The following SERGEF variants were observed in gnomAD, a reference collection of about 807,000 sequenced individuals.
SERGEF encodes secretion-regulating guanine nucleotide exchange factor.
SERGEF carries 51 observed loss-of-function variants against 50.0 expected under a neutral mutation model. That is an observed-to-expected ratio of 1.02 (90% CI 0.81 to 1.29). The LOEUF is 1.29. Among genes scored for constraint, SERGEF ranks in the 50% most tolerant of loss-of-function variants. The pLI is 0.00. For synonymous variants in SERGEF, 205 were observed against 212.4 expected (o/e 0.97, Z 0.30); for missense variants, 521 against 557.0 (o/e 0.94, Z 0.65).
intron 8 of SERGEF, among the ~76,000 whole-genome samples, chr11:17,962,965 T>C (rs768033309): frequency 1.8e-4 from 27 of 151,948 alleles, no homozygotes; most frequent in Non-Finnish European, 2.8e-4. Flanking sequence ...GAGGATCACC[T>C]GAGGTCAAGA....
At chr11:17,858,709 G>A (rs1481378739) in intron 10 of SERGEF, among the ~76,000 whole-genome samples, 3 of 152,076 alleles carry the variant, frequency 2.0e-5, no homozygotes, top group African/African-American at 7.2e-5. Context: ...GACAGCAGGT[G>A]AGAGTTTAAT....
rs1446480900 is a variant in SERGEF at position 18,000,486 on chromosome 11, A to G, written c.508+11T>C. On this transcript the variant is annotated intron_variant, in intron 5 of 10. Coordinates refer to ENST00000265965, the MANE Select transcript of SERGEF (RefSeq NM_012139.4). ...AAAATAAAAATAAAAAAATAAAGAT[A>G]AGATGATCACCTGTAGCAGCTACTG... The G allele has an allele frequency of 6.5e-7, 1 of 1,544,774 alleles. No homozygotes were observed. The highest frequency in any genetic ancestry group is 1.2e-5 in the South Asian group (1 of 81,468).
chr11:17,947,217 G>A (rs1265064677), intron 9 of SERGEF, among the ~76,000 whole-genome samples: 2 of 152,274 alleles, frequency 1.3e-5, no homozygotes, highest in African/African-American at 2.4e-5. Flanking sequence ...TCAAGATATG[G>A]TGCCTATCCT....
intron 10 of SERGEF, among the ~76,000 whole-genome samples, chr11:17,798,521 C>T (rs1849607741): frequency 1.3e-5 from 2 of 152,256 alleles, no homozygotes; most frequent in Admixed American, 6.5e-5. Context: ...GGACACATTT[C>T]CTCAGTCACC....
At chr11:17,954,953 G>A (rs1301882033) in intron 9 of SERGEF, among the ~76,000 whole-genome samples, 1 of 152,194 alleles carries the variant, frequency 6.6e-6, no homozygotes, top group African/African-American at 2.4e-5. Flanking sequence ...ACAGCATCAT[G>A]CTGGGATCGA....
intron 9 of SERGEF, among the ~76,000 whole-genome samples, chr11:17,958,390 T>C (rs1852919438): frequency 6.6e-6 from 1 of 152,180 alleles, no homozygotes; most frequent in African/African-American, 2.4e-5. Flanking sequence ...GCCATCCTCA[T>C]TCTTCTAAAA....
intron 9 of SERGEF, among the ~76,000 whole-genome samples, chr11:17,907,860 G>A (rs926483258): frequency 1.3e-5 from 2 of 152,182 alleles, no homozygotes; most frequent in East Asian, 3.9e-4. Flanking sequence ...CAGCAAAAAG[G>A]AACTGCTTGT....
At chr11:17,830,619 A>G (rs1850280928) in intron 10 of SERGEF, among the ~76,000 whole-genome samples, 1 of 135,472 alleles carries the variant, frequency 7.4e-6, no homozygotes, top group African/African-American at 2.8e-5. Flanking sequence ...AGAGAGAGAG[A>G]GAGAGAGGGA....
At chr11:17,952,940 C>T (rs1852797905) in intron 9 of SERGEF, among the ~76,000 whole-genome samples, 1 of 152,148 alleles carries the variant, frequency 6.6e-6, no homozygotes, top group Non-Finnish European at 1.5e-5. Flanking sequence ...TCTGGCTGCT[C>T]TTCCTCTGCT....
intron 10 of SERGEF, among the ~76,000 whole-genome samples, chr11:17,803,447 C>T (rs1849706632): frequency 6.6e-6 from 1 of 152,386 alleles, no homozygotes; most frequent in Non-Finnish European, 1.5e-5. Flanking sequence ...AGAGTTGTTG[C>T]TGCTCAGTAG....
chr11:17,845,034 C>T (rs566978155), intron 10 of SERGEF, among the ~76,000 whole-genome samples: 43 of 152,288 alleles, frequency 2.8e-4, no homozygotes, highest in African/African-American at 9.9e-4. Flanking sequence ...CGTGGGTTAG[C>T]AAGGCTGCTC....
chr11:17,945,102 A>G (rs1234690252), intron 9 of SERGEF, among the ~76,000 whole-genome samples: 1 of 152,248 alleles, frequency 6.6e-6, no homozygotes, highest in Non-Finnish European at 1.5e-5. Flanking sequence ...TTGATACACA[A>G]TTAGCACTTT....
At chr11:17,918,662 A>ACT (rs143834429) in intron 9 of SERGEF, 53,927 of 412,648 alleles carry the variant, frequency 0.13, 1,493 homozygotes, top group Middle Eastern at 0.21. Context: ...ATACACACAC[A>ACT]CTCTCTCTCT....
At chr11:17,837,357 G>T (rs1278522166) in intron 10 of SERGEF, among the ~76,000 whole-genome samples, 1 of 151,966 alleles carries the variant, frequency 6.6e-6, no homozygotes, top group East Asian at 1.9e-4. Flanking sequence ...AATATTGGAG[G>T]TACAGGCCTG....
intron 8 of SERGEF, among the ~76,000 whole-genome samples, chr11:17,988,022 G>T (rs1853636050): frequency 6.6e-6 from 1 of 152,130 alleles, no homozygotes. Flanking sequence ...TGCCCTAAGG[G>T]AAAGATGAGA....
chr11:17,909,743 T>C (rs1353519905), intron 9 of SERGEF, among the ~76,000 whole-genome samples: 1 of 152,152 alleles, frequency 6.6e-6, no homozygotes, highest in Non-Finnish European at 1.5e-5. Context: ...AAAGGAAGTG[T>C]GTATTCAGAG....
At chr11:17,924,576 T>C (rs916203994) in intron 9 of SERGEF, among the ~76,000 whole-genome samples, 3 of 151,484 alleles carry the variant, frequency 2.0e-5, no homozygotes, top group Non-Finnish European at 2.9e-5. Context: ...GAGTGAAACA[T>C]AGAAGCACTG....
intron 10 of SERGEF, among the ~76,000 whole-genome samples, chr11:17,840,299 T>C (rs1026581308): frequency 2.0e-5 from 3 of 152,250 alleles, no homozygotes; most frequent in Admixed American, 2.0e-4. Context: ...TCCAAATTCA[T>C]GTGGCTTGTG....
At chr11:17,891,452 C>T (rs1378600378) in intron 9 of SERGEF, among the ~76,000 whole-genome samples, 5 of 152,172 alleles carry the variant, frequency 3.3e-5, no homozygotes, top group South Asian at 2.1e-4. Flanking sequence ...GTGGTCAGTT[C>T]GGGACTCTCT....
Sources: allele counts gnomAD v4.1 joint callset (sites outside exome capture counted in the v4.1 genomes callset), GRCh38; gene constraint gnomAD v4.1.1; transcripts MANE v1.5; gene names NCBI Gene and HGNC (gene_info 2026-07-23, HGNC 2026-07-21).